The following PLEKHH1 variants were observed in gnomAD, a reference collection of about 807,000 sequenced individuals.
The protein encoded by PLEKHH1 is pleckstrin homology domain-containing family H member 1.
PLEKHH1 carries 104 observed loss-of-function variants against 160.0 expected under a neutral mutation model. The observed-to-expected ratio is 0.65, with a 90% CI of 0.55 to 0.76. The LOEUF (loss-of-function observed/expected upper bound fraction) is 0.76. Among genes scored for constraint, PLEKHH1 ranks in the 30% least tolerant of loss-of-function variants. The pLI, the probability that PLEKHH1 is intolerant of heterozygous loss-of-function variation, is 0.00. For synonymous variants in PLEKHH1, 619 were observed against 678.4 expected (o/e 0.91, Z 1.36); for missense variants, 1,427 against 1,724.1 (o/e 0.83, Z 3.05).
chr14:67,542,167 G>A (rs573706263), intron 2 of PLEKHH1, among the ~76,000 whole-genome samples, 174 bp downstream of exon 2: 1 of 151,286 alleles, frequency 6.6e-6, no homozygotes, highest in South Asian at 2.1e-4. Context: ...TTACTAAGCT[G>A]TTATCTTGCT....
In PLEKHH1 at chr14:67,586,092, C is replaced by A. The variant is rs748974641; in HGVS notation, c.3928C>A (p.Pro1310Thr). ...GAAGTTGATCTTCCGGATGGCTGCT[C>A]CCAAGGTAGGTCTGACAGCTGTTAA... ...IEKLIFRMAA[P>T]KIAEATFIMA... Residue 1310 changes from proline to threonine, a missense_variant, in exon 28 of 29, where the codon CCC becomes ACC. Pro to Thr is a conservative substitution (Grantham distance 38). This residue lies in a region of PLEKHH1 where 96 missense variants were observed against 97.6 expected (regional missense o/e 0.98). Coordinates refer to ENST00000329153, the MANE Select transcript of PLEKHH1 (RefSeq NM_020715.3). The A allele has an allele frequency of 6.2e-7, 1 of 1,613,884 alleles. No individual in the cohort carries two copies. Among genetic ancestry groups the A allele is most frequent in the Non-Finnish European group, 8.5e-7 (1 of 1,179,872 alleles).
intron 7 of PLEKHH1, among the ~76,000 whole-genome samples, chr14:67,566,967 G>T (rs1020830533): frequency 2.0e-5 from 3 of 152,126 alleles, no homozygotes; most frequent in African/African-American, 7.2e-5. Context: ...AAGGGGCAGC[G>T]TCAGGTCTTC....
chr14:67,561,965 G>A lies in PLEKHH1; in HGVS notation c.435G>A (p.Glu145=). The A allele has an allele frequency of 6.2e-7, 1 of 1,613,306 alleles. No homozygotes were observed. The highest frequency in any genetic ancestry group is 8.5e-7 in the Non-Finnish European group (1 of 1,179,316). Reference sequence around the variant, plus strand: ...TTCTTTTTGCTCAGCTTGAGATGGAGAATCAGCATCTGAAAAGCCATAATC... The same window carrying A: ...TTCTTTTTGCTCAGCTTGAGATGGAAAATCAGCATCTGAAAAGCCATAATC... ...VTLKLAKLEM[E]NQHLKSHNQR... Residue 145 remains glutamate, a synonymous_variant, in exon 6 of 29, where the codon GAG becomes GAA. Coordinates refer to ENST00000329153, the MANE Select transcript of PLEKHH1 (RefSeq NM_020715.3).
chr14:67,582,002 C>T lies in PLEKHH1; in HGVS notation c.3285-67C>T, dbSNP rs1594792976. On this transcript the variant is annotated intron_variant, in intron 23 of 28. Coordinates refer to ENST00000329153, the MANE Select transcript of PLEKHH1 (RefSeq NM_020715.3). The surrounding 1 kb of genome is among the most constrained non-coding windows in gnomAD (Gnocchi z 5.0). Reference sequence around the variant, plus strand: ...CTTTTTGGAAATAAAGGTAACAGACCCAGAGAAAGCCCCATCCCTGTTTGG... The same window carrying T: ...CTTTTTGGAAATAAAGGTAACAGACTCAGAGAAAGCCCCATCCCTGTTTGG... 6 of 1,487,664 alleles carry T rather than the reference C, an allele frequency of 4.0e-6. No homozygotes were observed. The highest frequency in any genetic ancestry group is 5.5e-6 in the Non-Finnish European group (6 of 1,090,808). 92.2% of individuals were successfully genotyped at this position (1,487,664 alleles called of 1,614,324 possible).
chr14:67,555,368 A>G (rs2034551543), intron 2 of PLEKHH1, among the ~76,000 whole-genome samples: 1 of 152,210 alleles, frequency 6.6e-6, no homozygotes, highest in Non-Finnish European at 1.5e-5. Context: ...ATCCCCAACC[A>G]GTGAGATATT....
intron 2 of PLEKHH1, among the ~76,000 whole-genome samples, chr14:67,551,163 A>G (rs543762347): frequency 6.6e-6 from 1 of 152,210 alleles, no homozygotes; most frequent in Admixed American, 6.5e-5. Context: ...GCTTAAACCC[A>G]TTCTTTCTGT....
intron 1 of PLEKHH1, among the ~76,000 whole-genome samples, chr14:67,537,613 C>T (rs1233212548): frequency 6.6e-6 from 1 of 151,884 alleles, no homozygotes; most frequent in Non-Finnish European, 1.5e-5. Context: ...CTTCAGTGAA[C>T]CATGATTGTG....
rs1336100280 is a variant in PLEKHH1, at chr14:67,581,008, C to T, written c.3254C>T (p.Thr1085Ile). The T allele has an allele frequency of 3.7e-6, 6 of 1,612,772 alleles. No homozygotes were observed. The South Asian group carries it at 6.6e-5, about 18-fold the overall frequency. Residue 1085 changes from threonine (T) to isoleucine (I), a missense_variant, in exon 23 of 29, where the codon ACA (threonine) becomes ATA (isoleucine). Coordinates refer to ENST00000329153, the MANE Select transcript of PLEKHH1 (RefSeq NM_020715.3). ...CACCCCGGAAAGTCTGAGGGTGGGA[C>T]ACGCGTCGTGAAGCTGATGTACAAG... ...ELHPGKSEGG[T>I]RVVKLMYKNR...
intron 22 of PLEKHH1, 49 bp downstream of exon 22, chr14:67,579,925 T>C (rs772740269): frequency 1.3e-6 from 2 of 1,529,218 alleles, no homozygotes; most frequent in Non-Finnish European, 1.8e-6. Flanking sequence ...CTCAGGGATA[T>C]TGGTGGTGGG....
intron 1 of PLEKHH1, among the ~76,000 whole-genome samples, chr14:67,536,820 A>G (rs1340363503): frequency 6.6e-6 from 1 of 151,852 alleles, no homozygotes; most frequent in Non-Finnish European, 1.5e-5. Flanking sequence ...AGGCAGGTGG[A>G]TCACCTGAGG....
chr14:67,544,145 A>C (rs1263434844), intron 2 of PLEKHH1, among the ~76,000 whole-genome samples: 1 of 152,222 alleles, frequency 6.6e-6, no homozygotes, highest in Non-Finnish European at 1.5e-5. Context: ...CAGGAATATT[A>C]AAGGGCTTAC....
chr14:67,583,849 C>T lies in PLEKHH1; in HGVS notation c.3535C>T (p.Arg1179Cys), dbSNP rs200119528. 566 of 1,613,346 alleles carry T rather than the reference C, an allele frequency of 3.5e-4. 1 individual carries two copies. Among genetic ancestry groups the T allele is most frequent in the Middle Eastern group, 1.2e-3 (7 of 6,062 alleles). The change falls in exon 25 of 29, where the codon CGC (arginine) becomes TGC (cysteine). Residue 1179 changes from arginine (R) to cysteine (C), a missense_variant. Coordinates refer to ENST00000329153, the MANE Select transcript of PLEKHH1 (RefSeq NM_020715.3). ...GGTCCTAGACAGGTTCCACCCCAGG[C>T]GCTATAGACATGGGGCCCCCGCTGA... Reference protein sequence around the residue: ...QQVLDRFHPRRYRHGAPAEQL... With the variant: ...QQVLDRFHPRCYRHGAPAEQL...
Position 67,578,296 on chromosome 14 carries a change from G to A in PLEKHH1, c.2751+97G>A. 9.0e-7 allele frequency: 1 copy of A among 1,106,054 alleles called. No homozygotes were observed. Among genetic ancestry groups the A allele is most frequent in the Non-Finnish European group, 1.3e-6 (1 of 748,502 alleles). 68.5% of individuals were successfully genotyped at this position (1,106,054 alleles called of 1,614,324 possible). On this transcript the variant is annotated intron_variant, in intron 19 of 28. Transcript: ENST00000329153. This position sits in a 1 kb window ranked among gnomAD's most constrained non-coding sequence, Gnocchi z 5.0. The stretch of plus-strand genomic sequence containing the variant: ...AGGTGACTGGGCAGGTATACGGTGA[G>A]CCCAGCCAGCGGGCAGCCTCTGTGC...
chr14:67,579,941 A>G (rs1327805963), intron 22 of PLEKHH1, 65 bp downstream of exon 22: 1 of 1,446,864 alleles, frequency 6.9e-7, no homozygotes, highest in Non-Finnish European at 9.4e-7. Context: ...GTGGGGAAAG[A>G]GCCCATCTGA....
chr14:67,562,995 C>T lies in PLEKHH1; in HGVS notation c.1263+101C>T, dbSNP rs116056555. ...ACTGAGCAGGAGAGGAGGCTGCTGG[C>T]ATCCTCATGGTGGCCCTGGCAGGCA... On this transcript the variant is annotated intron_variant, in intron 7 of 28. Transcript: ENST00000329153. 8.9e-4 allele frequency: 1,111 copies of T among 1,248,568 alleles called. 13 individuals are homozygous for T. In the African/African-American group the frequency reaches 0.015, roughly 17 times the overall value. The allele number at this position is 1,248,568 out of a possible 1,614,324, so 77.3% of individuals were successfully genotyped here.
Position 67,579,288 on chromosome 14 carries a change from C to G in PLEKHH1, c.3004C>G (p.His1002Asp), listed in dbSNP as rs759287677. 1 of 1,558,980 alleles carries G rather than the reference C, an allele frequency of 6.4e-7. No individual in the cohort carries two copies. Among genetic ancestry groups the G allele is most frequent in the Non-Finnish European group, 8.7e-7 (1 of 1,155,984 alleles). ...HHSLPFSIPV[H>D]FTNGTYHVVG... ...CTCCTTGCCCTTCAGCATCCCCGTG[C>G]ACTTTACCAACGGGACTTACCATGT... Residue 1002 changes from histidine (H) to aspartate (D), a missense_variant, in exon 21 of 29, where the codon CAC becomes GAC. This residue lies in a region of PLEKHH1 where 436 missense variants were observed against 607.5 expected (regional missense o/e 0.72). Transcript: ENST00000329153.
chr14:67,566,626 T>C (rs2035103954), intron 7 of PLEKHH1, among the ~76,000 whole-genome samples: 1 of 152,006 alleles, frequency 6.6e-6, no homozygotes, highest in Non-Finnish European at 1.5e-5. Context: ...CACATGCCGG[T>C]AGTCCCAGCT....
chr14:67,576,104 T>C lies in PLEKHH1; in HGVS notation c.2352+99T>C. On this transcript the variant is annotated intron_variant, in intron 16 of 28. Transcript: ENST00000329153. This position sits in a 1 kb window ranked among gnomAD's most constrained non-coding sequence, Gnocchi z 4.0. ...GAGCTTCCCAAAATTCAAATTTATTTCCTTTTGGACACTTTGGCAACTAAT... is the reference window on the plus strand; with the variant it reads ...GAGCTTCCCAAAATTCAAATTTATTCCCTTTTGGACACTTTGGCAACTAAT... The C allele has an allele frequency of 2.0e-6, 2 of 978,024 alleles. No homozygotes were observed. Among genetic ancestry groups the C allele is most frequent in the Non-Finnish European group, 3.1e-6 (2 of 654,006 alleles). The allele number at this position is 978,024 out of a possible 1,614,324, so 60.6% of individuals were successfully genotyped here.
chr14:67,562,767 T>C lies in PLEKHH1; in HGVS notation c.1136T>C (p.Met379Thr). The change falls in exon 7 of 29, where the codon ATG (methionine) becomes ACG (threonine). Residue 379 changes from methionine to threonine, a missense_variant. Physicochemically the swap from Met to Thr is moderately conservative, Grantham distance 81 (BLOSUM62 -1). This residue lies in a region of PLEKHH1 where 831 missense variants were observed against 929.2 expected (regional missense o/e 0.89). Transcript: ENST00000329153. The part of the protein sequence containing the change: ...RSREEPEKME[M>T]EEPPPAGKNE... ...CGGGAGGAACCAGAGAAGATGGAGA[T>C]GGAGGAGCCACCCCCAGCAGGGAAG... 1 of 1,613,768 alleles carries C rather than the reference T, an allele frequency of 6.2e-7. No individual in the cohort carries two copies. The highest frequency in any genetic ancestry group is 1.1e-5 in the South Asian group (1 of 91,028).
Sources: gnomAD v4.1 joint callset for allele counts (sites outside exome capture counted in the v4.1 genomes callset) on GRCh38, gnomAD v4.1.1 for gene constraint, gnomAD v4.1.1 regional missense constraint, Gnocchi (gnomAD v3.1) non-coding constraint, MANE v1.5 for transcripts, NCBI Gene and HGNC (gene_info 2026-07-23, HGNC 2026-07-21) for gene names.